Variants in PTGER3 observed in about 807,000 individuals in gnomAD.
PTGER3 encodes prostaglandin E2 receptor EP3 subtype.
In PTGER3, 22 loss-of-function variants were observed where a neutral mutation model predicts 34.7. The observed-to-expected ratio is 0.63, with a 90% CI of 0.45 to 0.91. The LOEUF (loss-of-function observed/expected upper bound fraction) is 0.91, where lower values mean the gene tolerates loss of function less well. Among genes scored for constraint, PTGER3 ranks in the 40% least tolerant of loss-of-function variants. The probability of loss-of-function intolerance (pLI) is 0.00; values close to 1 mark genes in which losing one functional copy is unlikely to be tolerated. For synonymous variants in PTGER3, 241 were observed against 230.1 expected (o/e 1.05, Z -0.43); for missense variants, 468 against 519.4 (o/e 0.90, Z 0.96).
At chr1:70,865,581 C>G in intron 4 of PTGER3, 3 of 1,223,868 alleles carry the variant, frequency 2.5e-6, no homozygotes, top group Non-Finnish European at 3.3e-6. Flanking sequence ...ATAGGTGGGA[C>G]AACAGAGATG....
chr1:70,952,555 C>T, exon 4 of PTGER3: 6 of 996,354 alleles, frequency 6.0e-6, no homozygotes, highest in Non-Finnish European at 6.0e-6. Flanking sequence ...CATATTTCTT[C>T]TGGACCAAAT....
At chr1:70,965,513 A>G (rs1386554735) in intron 2 of PTGER3, among the ~76,000 whole-genome samples, 2 of 152,282 alleles carry the variant, frequency 1.3e-5, no homozygotes, top group East Asian at 3.9e-4. Context: ...GACTAACTCA[A>G]TCCTTTATTT....
chr1:70,852,934 A>AATAAATTCTC (rs1645714102), intron 4 of PTGER3: 1 of 1,481,322 alleles, frequency 6.8e-7, no homozygotes, highest in South Asian at 1.2e-5. Flanking sequence ...AATCAAAGGC[A>AATAAATTCTC]ATAAATTCTC....
chr1:70,944,695 A>C (rs1340801284), intron 4 of PTGER3, among the ~76,000 whole-genome samples: 3 of 152,116 alleles, frequency 2.0e-5, no homozygotes, highest in Non-Finnish European at 4.4e-5. Flanking sequence ...AAATAAGTGG[A>C]TGCTCAAGAA....
intron 4 of PTGER3, among the ~76,000 whole-genome samples, chr1:70,937,273 T>A (rs111592951): frequency 1.6e-4 from 24 of 152,314 alleles, no homozygotes; most frequent in African/African-American, 5.5e-4. Flanking sequence ...TGGTTTTTAT[T>A]TTGTGTTGCC....
intron 4 of PTGER3, among the ~76,000 whole-genome samples, chr1:70,909,826 C>T (rs1342746539): frequency 6.6e-6 from 1 of 152,178 alleles, no homozygotes; most frequent in East Asian, 1.9e-4. Context: ...TTCAAGAAGG[C>T]TTCCTATAAA....
intron 4 of PTGER3, among the ~76,000 whole-genome samples, chr1:70,925,268 G>A (rs1162695554): frequency 6.6e-6 from 1 of 152,134 alleles, no homozygotes; most frequent in African/African-American, 2.4e-5. Context: ...GCCTACCAAG[G>A]TGCTGGAATT....
intron 4 of PTGER3, among the ~76,000 whole-genome samples, chr1:70,896,526 C>T (rs1646724703): frequency 6.6e-6 from 1 of 152,194 alleles, no homozygotes. Flanking sequence ...AACTTACAGC[C>T]TCTGGAGCTG....
intron 1 of PTGER3, among the ~76,000 whole-genome samples, chr1:71,029,118 A>G (rs756782893): frequency 6.6e-5 from 10 of 152,234 alleles, no homozygotes; most frequent in Non-Finnish European, 1.2e-4. Flanking sequence ...CATCTAATGT[A>G]TGCAAAACTC....
downstream of PTGER3, among the ~76,000 whole-genome samples, chr1:70,948,806 C>G (rs1650465684): frequency 6.6e-6 from 1 of 152,072 alleles, no homozygotes; most frequent in Admixed American, 6.6e-5. Context: ...TGCTGCCTTA[C>G]AGGAAGGACC....
intron 2 of PTGER3, chr1:71,008,139 A>G (rs942222790): frequency 2.1e-6 from 2 of 975,334 alleles, no homozygotes; most frequent in African/African-American, 3.5e-5. Flanking sequence ...AAGAATGGAT[A>G]AGCACAGTAG....
intron 4 of PTGER3, among the ~76,000 whole-genome samples, chr1:70,885,122 C>T (rs759609833): frequency 8.6e-5 from 13 of 151,676 alleles, no homozygotes; most frequent in Non-Finnish European, 1.8e-4. Context: ...CTTTTAGTGA[C>T]CAGGAATAAG....
At position 71,047,589 on chromosome 1, in the gene PTGER3, G is replaced by C. The variant is rs1486950212; in HGVS notation, c.-12C>G. 2 of 1,517,166 alleles carry C rather than the reference G, an allele frequency of 1.3e-6. No homozygotes were observed. Among genetic ancestry groups the C allele is most frequent in the Non-Finnish European group, 1.8e-6 (2 of 1,126,464 alleles). The allele number at this position is 1,517,166 out of a possible 1,614,324, so 94.0% of individuals were successfully genotyped here. A position where few individuals can be genotyped will look rare whatever the true frequency, so the allele number is the denominator to read the frequency against. On this transcript the variant is annotated 5_prime_UTR_variant, in exon 1 of 4. Coordinates refer to ENST00000306666, the MANE Select transcript of PTGER3 (RefSeq NM_198719.2). ...CGGGTCTCCTTCATGTTGGCTTCGA[G>C]GTGAGGAGGGGATGGCGTCCAGAGA...
At chr1:70,962,981 C>A (rs657169) in intron 2 of PTGER3, among the ~76,000 whole-genome samples, 71,198 of 152,056 alleles carry the variant, frequency 0.47, 18,786 homozygotes, top group East Asian at 0.72. Context: ...TGCCTAGATA[C>A]AATGGGGGTA....
At chr1:70,867,479 G>T (rs965796695) in intron 4 of PTGER3, among the ~76,000 whole-genome samples, 3 of 152,154 alleles carry the variant, frequency 2.0e-5, no homozygotes, top group African/African-American at 4.8e-5. Context: ...CCAGCATGTT[G>T]GGAGGCCGAG....
chr1:70,940,663 A>G (rs998855002), intron 4 of PTGER3, among the ~76,000 whole-genome samples: 3 of 152,124 alleles, frequency 2.0e-5, no homozygotes, highest in Admixed American at 6.6e-5. Flanking sequence ...ATCTTGTGAG[A>G]CTTTTTTACC....
intron 4 of PTGER3, among the ~76,000 whole-genome samples, chr1:70,871,163 T>C (rs1646154665): frequency 6.6e-6 from 1 of 152,160 alleles, no homozygotes; most frequent in Non-Finnish European, 1.5e-5. Context: ...CTGGCATCTG[T>C]TTGGCTTTTG....
intron 1 of PTGER3, among the ~76,000 whole-genome samples, chr1:71,031,204 C>T (rs533960396): frequency 1.8e-4 from 28 of 151,992 alleles, no homozygotes; most frequent in African/African-American, 6.5e-4. Flanking sequence ...CTCCACCAGT[C>T]TCACTGCTAC....
At chr1:70,874,851 A>T (rs1319473243) in intron 4 of PTGER3, among the ~76,000 whole-genome samples, 1 of 152,116 alleles carries the variant, frequency 6.6e-6, no homozygotes, top group Non-Finnish European at 1.5e-5. Flanking sequence ...CAGCAGTTTC[A>T]GTCCCTAAAT....
Sources: allele counts gnomAD v4.1 joint callset (sites outside exome capture counted in the v4.1 genomes callset), GRCh38; gene constraint gnomAD v4.1.1; transcripts MANE v1.5; gene names NCBI Gene and HGNC (gene_info 2026-07-23, HGNC 2026-07-21).